Variants in ACTR10 observed in about 807,000 individuals in gnomAD.
ACTR10 encodes actin-related protein 10.
A neutral mutation model predicts 56.2 loss-of-function variants in ACTR10; 43 were observed. That is an observed-to-expected ratio of 0.77 (90% confidence interval 0.60 to 0.99). The LOEUF (loss-of-function observed/expected upper bound fraction) is 0.99, where lower values mean the gene tolerates loss of function less well. Among genes scored for constraint, ACTR10 ranks in the 50% least tolerant of loss-of-function variants. The pLI is 0.00. For synonymous variants in ACTR10, 170 were observed against 176.3 expected (o/e 0.96, Z 0.28); for missense variants, 466 against 507.8 (o/e 0.92, Z 0.79).
chr14:58,217,721 G>A (rs1889167831), intron 7 of ACTR10, among the ~76,000 whole-genome samples: 1 of 151,742 alleles, frequency 6.6e-6, no homozygotes, highest in Non-Finnish European at 1.5e-5. Flanking sequence ...CTCTTTTCCA[G>A]GTTCTTAGCA....
intron 8 of ACTR10, among the ~76,000 whole-genome samples, chr14:58,222,764 GAA>G (rs58412717): frequency 0.011 from 831 of 76,336 alleles, 3 homozygotes; most frequent in African/African-American, 0.019. Flanking sequence ...GACTCTGTCA[GAA>G]AAAAAAAAAA....
chr14:58,215,145 T>C (rs1388527278), intron 6 of ACTR10, 60 bp from the exon 7 acceptor site: 2 of 1,031,722 alleles, frequency 1.9e-6, no homozygotes, highest in East Asian at 4.9e-5. Flanking sequence ...GTTGAAAGTA[T>C]CAAATAAGGA....
intron 5 of ACTR10, 78 bp downstream of exon 5, chr14:58,211,477 TTTGTA>T: frequency 9.3e-7 from 1 of 1,070,192 alleles, no homozygotes; most frequent in South Asian, 1.3e-5. Flanking sequence ...TTATAAATGA[TTTGTA>T]TTGTACTGAA....
chr14:58,207,904 A>T, intron 2 of ACTR10, 32 bp from the exon 3 acceptor site: 1 of 1,215,500 alleles, frequency 8.2e-7, no homozygotes, highest in Non-Finnish European at 1.1e-6. Flanking sequence ...TTTTATTAAT[A>T]TAAATTAATA....
intron 12 of ACTR10, among the ~76,000 whole-genome samples, chr14:58,232,728 T>C (rs1889575398): frequency 6.6e-6 from 1 of 152,074 alleles, no homozygotes; most frequent in Non-Finnish European, 1.5e-5. Context: ...TTTTCTTAAA[T>C]TGTATTAATT....
intron 5 of ACTR10, chr14:58,213,377 T>A: frequency 3.2e-6 from 1 of 309,792 alleles, no homozygotes; most frequent in East Asian, 5.5e-5. Flanking sequence ...GCCTAGTGGC[T>A]ACTTTATCAG....
At chr14:58,223,956 C>A in intron 10 of ACTR10, 100 bp downstream of exon 10, 1 of 911,748 alleles carries the variant, frequency 1.1e-6, no homozygotes, top group South Asian at 1.6e-5. Context: ...GCCATTTTAA[C>A]AGTTCAGTGT....
Position 58,221,920 on chromosome 14 carries a change from A to G in ACTR10, c.635-1702A>G, listed in dbSNP as rs113864827. Among the ~76,000 whole-genome samples the G allele has an allele frequency of 8.3e-3, 1,256 of 152,226 alleles. 22 individuals carry two copies. Among genetic ancestry groups the G allele is most frequent in the African/African-American group, 0.028 (1,169 of 41,544 alleles). On this transcript the variant is annotated intron_variant, in intron 8 of 12. Coordinates refer to ENST00000254286, the MANE Select transcript of ACTR10 (RefSeq NM_018477.3). ...GCAAGTCAGTCTCGACTCCATCTCA[A>G]AAACAAAAAAAAGATCTCAAGGCTA...
At chr14:58,202,965 C>A (rs1888763423) in intron 2 of ACTR10, 38 bp downstream of exon 2, 1 of 1,325,048 alleles carries the variant, frequency 7.5e-7, no homozygotes, top group Non-Finnish European at 1.1e-6. Flanking sequence ...AAATGCCATA[C>A]TATAAAATGT....
chr14:58,208,054 G>C (rs1888908879), intron 3 of ACTR10, 36 bp downstream of exon 3: 2 of 1,460,742 alleles, frequency 1.4e-6, no homozygotes, highest in Admixed American at 2.8e-5. Flanking sequence ...TTTATGATTA[G>C]ATAGATTTTC....
chr14:58,201,831 C>G (rs750497945), intron 1 of ACTR10, among the ~76,000 whole-genome samples: 44 of 152,052 alleles, frequency 2.9e-4, no homozygotes, highest in South Asian at 1.2e-3. Flanking sequence ...CATGGGGAAA[C>G]CCAGCTCTAC....
At position 58,211,320 on chromosome 14, in the gene ACTR10, A is replaced by AT; in HGVS notation, c.372dup (p.Leu125SerfsTer10). The AT allele has an allele frequency of 2.5e-6, 4 of 1,613,710 alleles. No homozygotes were observed. Among genetic ancestry groups the AT allele is most frequent in the Non-Finnish European group, 3.4e-6 (4 of 1,179,778 alleles). The stretch of plus-strand genomic sequence containing the variant: ...CCATCTGTCTTGCTTGCTCCAAGTC[A>AT]TCTAATGGCTCTTCTGACGCTTGGA... On this transcript the variant is annotated frameshift_variant, in exon 5 of 13. Coordinates refer to ENST00000254286, the MANE Select transcript of ACTR10 (RefSeq NM_018477.3). LOFTEE classifies it high-confidence loss of function.
chr14:58,234,623 G>T lies in ACTR10; in HGVS notation c.*72G>T. ...ATTATAAGCAAATTGTACAAAGTAT[G>T]TAGGATGTTTTGTTATAGAGGACTA... On this transcript the variant is annotated 3_prime_UTR_variant, in exon 13 of 13. Transcript: ENST00000254286. 1 of 1,439,678 alleles carries T rather than the reference G, an allele frequency of 6.9e-7. No individual in the cohort carries two copies. The highest frequency in any genetic ancestry group is 1.3e-5 in the South Asian group (1 of 76,464). 89.2% of individuals were successfully genotyped at this position (1,439,678 alleles called of 1,614,324 possible). A position where few individuals can be genotyped will look rare whatever the true frequency, so the allele number is the denominator to read the frequency against.
chr14:58,211,044 C>A, intron 4 of ACTR10: 1 of 331,524 alleles, frequency 3.0e-6, no homozygotes, highest in Non-Finnish European at 5.6e-6. Context: ...AAAAATGCTT[C>A]ATAATTGTCA....
chr14:58,215,246 C>A lies in ACTR10; in HGVS notation c.560C>A (p.Thr187Lys), dbSNP rs764509830. The change falls in exon 7 of 13, where the codon ACA (threonine) becomes AAA (lysine). Residue 187 changes from threonine (T) to lysine (K), a missense_variant. Thr to Lys is a moderately conservative substitution (Grantham distance 78). Coordinates refer to ENST00000254286, the MANE Select transcript of ACTR10 (RefSeq NM_018477.3). ...CTATTGGAACAATGTACTGTTGACA[C>A]AAGTGTTGCTAAAGAACAGAGCCTT... ...TQLLEQCTVD[T>K]SVAKEQSLPS... 5.0e-6 allele frequency: 8 copies of A among 1,610,684 alleles called. No individual in the cohort carries two copies. The East Asian group carries it at 1.8e-4, about 36-fold the overall frequency.
intron 8 of ACTR10, among the ~76,000 whole-genome samples, chr14:58,223,298 G>A (rs573298029): frequency 6.6e-6 from 1 of 152,048 alleles, no homozygotes; most frequent in Admixed American, 6.6e-5. Flanking sequence ...CACCACGCCC[G>A]GCTAATTTTT....
intron 1 of ACTR10, among the ~76,000 whole-genome samples, chr14:58,200,915 G>A (rs1313714257): frequency 1.3e-5 from 2 of 152,152 alleles, no homozygotes; most frequent in Non-Finnish European, 2.9e-5. Flanking sequence ...GGATGGCATA[G>A]ATCTCTTTAA....
intron 8 of ACTR10, among the ~76,000 whole-genome samples, chr14:58,222,693 A>G (rs1889300938): frequency 7.0e-6 from 1 of 143,856 alleles, no homozygotes; most frequent in Non-Finnish European, 1.5e-5. Context: ...TGAACTCAGG[A>G]GGCGGAGGTT....
intron 10 of ACTR10, among the ~76,000 whole-genome samples, chr14:58,229,985 TG>T (rs1168808160): frequency 6.6e-6 from 1 of 152,024 alleles, no homozygotes; most frequent in Non-Finnish European, 1.5e-5. Flanking sequence ...AACAAAGAAA[TG>T]GGGGGTGATT....
Sources: allele counts gnomAD v4.1 joint callset (sites outside exome capture counted in the v4.1 genomes callset), GRCh38; gene constraint gnomAD v4.1.1; transcripts MANE v1.5; gene names NCBI Gene and HGNC (gene_info 2026-07-23, HGNC 2026-07-21).